Variants in CDH13 observed in about 807,000 individuals in gnomAD.
The protein encoded by CDH13 is cadherin 13, also known as cadherin-13.
CDH13 carries 24 observed loss-of-function variants against 63.8 expected under a neutral mutation model. The observed-to-expected ratio is 0.38, with a 90% CI of 0.27 to 0.53. The LOEUF (loss-of-function observed/expected upper bound fraction) is 0.53, where lower values mean the gene tolerates loss of function less well. CDH13 is among the 20% of genes least tolerant of loss of function. The pLI is 0.85. For missense variants in CDH13, 1,049 were observed against 903.1 expected (o/e 1.16, Z -2.07); for synonymous variants, 503 against 355.3 (o/e 1.42, Z -4.67).
chr16:83,511,413 G>A (rs1353293476), intron 7 of CDH13, among the ~76,000 whole-genome samples: 1 of 151,454 alleles, frequency 6.6e-6, no homozygotes, highest in Admixed American at 6.6e-5. Context: ...AGTGAGCTGA[G>A]ATCACGCCAC....
chr16:82,877,954 C>CACACAG (rs1555533823), intron 2 of CDH13, among the ~76,000 whole-genome samples: 1 of 106,308 alleles, frequency 9.4e-6, no homozygotes, highest in Admixed American at 1.2e-4. Context: ...CACACACACA[C>CACACAG]ACACACATAT....
chr16:83,296,692 C>T (rs556735010), intron 5 of CDH13, among the ~76,000 whole-genome samples: 1 of 152,228 alleles, frequency 6.6e-6, no homozygotes, highest in African/African-American at 2.4e-5. Flanking sequence ...TTATGACAGG[C>T]AGGGTTAATG....
At chr16:83,551,176 G>C (rs758167690) in intron 7 of CDH13, among the ~76,000 whole-genome samples, 1 of 151,946 alleles carries the variant, frequency 6.6e-6, no homozygotes, top group Admixed American at 6.6e-5. Context: ...CCGCCTCCCG[G>C]GTTCAAGTGA....
At chr16:83,552,267 G>T (rs569889582) in intron 7 of CDH13, among the ~76,000 whole-genome samples, 3 of 152,228 alleles carry the variant, frequency 2.0e-5, no homozygotes, top group Admixed American at 2.0e-4. Context: ...ATGGAGAAGA[G>T]CATAGTTTGA....
Position 83,703,871 on chromosome 16 carries a change from C to T in CDH13, c.1538+25410C>T, listed in dbSNP as rs143137128. Among the ~76,000 whole-genome samples, 33 of 152,306 alleles carry T rather than the reference C, an allele frequency of 2.2e-4. No homozygotes were observed. The East Asian group carries it at 2.7e-3, about 12-fold the overall frequency. ...CATAATAGGCACGAACTCGCAATTA[C>T]TCCCTGGTACACAACCTTTTCAGCC... On this transcript the variant is annotated intron_variant, in intron 10 of 13. Transcript: ENST00000567109.
chr16:82,973,871 T>C (rs1171757336), intron 2 of CDH13, among the ~76,000 whole-genome samples: 2 of 152,210 alleles, frequency 1.3e-5, no homozygotes, highest in Non-Finnish European at 2.9e-5. Flanking sequence ...TAAATGATCC[T>C]GTGTCACATA....
intron 7 of CDH13, among the ~76,000 whole-genome samples, chr16:83,589,617 G>A (rs577330822): frequency 5.9e-5 from 9 of 151,954 alleles, no homozygotes; most frequent in Non-Finnish European, 1.2e-4. Context: ...TAGAAGATAC[G>A]AGAGCTTCTA....
chr16:83,728,095 T>C (rs1468603164), intron 10 of CDH13, among the ~76,000 whole-genome samples: 1 of 152,164 alleles, frequency 6.6e-6, no homozygotes, highest in African/African-American at 2.4e-5. Flanking sequence ...TACTCAGATG[T>C]GGACAGCAGT....
intron 2 of CDH13, among the ~76,000 whole-genome samples, chr16:82,937,555 T>C (rs1342531255): frequency 6.6e-6 from 1 of 152,172 alleles, no homozygotes; most frequent in Non-Finnish European, 1.5e-5. Flanking sequence ...ACCTAGCACA[T>C]AGCAGACACA....
At chr16:83,719,455 G>T (rs896916849) in intron 10 of CDH13, among the ~76,000 whole-genome samples, 1 of 146,642 alleles carries the variant, frequency 6.8e-6, no homozygotes. Context: ...TCAGTAAACG[G>T]TGGACACAGG....
chr16:83,055,666 C>G (rs919446340), intron 3 of CDH13, among the ~76,000 whole-genome samples: 2 of 151,880 alleles, frequency 1.3e-5, no homozygotes, highest in East Asian at 1.9e-4. Flanking sequence ...TTCCACCAAA[C>G]TTTTAAAGAA....
chr16:83,073,558 A>G (rs1398226072), intron 3 of CDH13, among the ~76,000 whole-genome samples: 1 of 152,050 alleles, frequency 6.6e-6, no homozygotes, highest in Non-Finnish European at 1.5e-5. Context: ...GCCCTCCCTA[A>G]AACTCTCCTG....
chr16:82,755,013 C>CA (rs146125902), intron 1 of CDH13, among the ~76,000 whole-genome samples: 2 of 152,186 alleles, frequency 1.3e-5, no homozygotes, highest in African/African-American at 4.8e-5. Context: ...CCCTGGGAAA[C>CA]AAATTCATCA....
intron 4 of CDH13, among the ~76,000 whole-genome samples, chr16:83,215,548 C>G (rs558904134): frequency 6.6e-6 from 1 of 151,446 alleles, no homozygotes; most frequent in East Asian, 1.9e-4. Context: ...CCAGATGAAC[C>G]CTGGCGTAAA....
chr16:83,698,454 C>G (rs761955957), intron 10 of CDH13, among the ~76,000 whole-genome samples: 1 of 152,174 alleles, frequency 6.6e-6, no homozygotes, highest in Non-Finnish European at 1.5e-5. Flanking sequence ...CTGAGGCCAC[C>G]ATGGGGAGAT....
chr16:83,233,236 C>G (rs1233800536), intron 5 of CDH13, among the ~76,000 whole-genome samples: 5 of 152,214 alleles, frequency 3.3e-5, no homozygotes, highest in Admixed American at 2.6e-4. Flanking sequence ...CAGGCCTGAG[C>G]TACCCTAGGA....
chr16:83,175,621 C>A (rs2038089968), intron 4 of CDH13, among the ~76,000 whole-genome samples: 1 of 151,994 alleles, frequency 6.6e-6, no homozygotes, highest in Non-Finnish European at 1.5e-5. Context: ...CCTTGACCAG[C>A]ACACTTGTTC....
intron 6 of CDH13, among the ~76,000 whole-genome samples, chr16:83,374,435 C>T (rs868678883): frequency 2.6e-5 from 4 of 152,150 alleles, no homozygotes; most frequent in Non-Finnish European, 5.9e-5. Context: ...CATATTTTTT[C>T]TCTGATAAAG....
intron 10 of CDH13, among the ~76,000 whole-genome samples, chr16:83,694,405 G>A (rs1422092435): frequency 6.6e-6 from 1 of 152,170 alleles, no homozygotes; most frequent in Non-Finnish European, 1.5e-5. Flanking sequence ...CAAAAGAGGG[G>A]TTGGGATGCT....
Sources: gnomAD v4.1 joint callset for allele counts (sites outside exome capture counted in the v4.1 genomes callset) on GRCh38, gnomAD v4.1.1 for gene constraint, MANE v1.5 for transcripts, NCBI Gene and HGNC (gene_info 2026-07-23, HGNC 2026-07-21) for gene names.